The following MYO7A variants were observed in gnomAD, a reference collection of about 807,000 sequenced individuals.
MYO7A encodes the protein myosin VIIA, also known as unconventional myosin-VIIa.
Under a neutral mutation model 263.8 loss-of-function variants are expected in MYO7A, and 210 were observed. That is an observed-to-expected ratio of 0.80 (90% CI 0.71 to 0.89). MYO7A has a LOEUF of 0.89. MYO7A is among the 40% of genes least tolerant of loss of function. The pLI is 0.00. For missense variants in MYO7A, 2,820 were observed against 2,968.3 expected (o/e 0.95, Z 1.16); for synonymous variants, 1,239 against 1,197.3 (o/e 1.03, Z -0.72).
intron 15 of MYO7A, among the ~76,000 whole-genome samples, 176 bp downstream of exon 15, chr11:77,166,338 C>T (rs553344641): frequency 6.6e-6 from 1 of 152,288 alleles, no homozygotes; most frequent in African/African-American, 2.4e-5. Context: ...CCCATCTGGT[C>T]CTCTTATTGT....
At chr11:77,139,170 C>T (rs1211636449) in intron 2 of MYO7A, among the ~76,000 whole-genome samples, 2 of 152,206 alleles carry the variant, frequency 1.3e-5, no homozygotes, top group Middle Eastern at 3.2e-3. Context: ...AGATTGAGTG[C>T]CTCACCCAGA....
chr11:77,170,003 C>T (rs1555075009), intron 15 of MYO7A, among the ~76,000 whole-genome samples: 1 of 152,100 alleles, frequency 6.6e-6, no homozygotes, highest in African/African-American at 2.4e-5. Flanking sequence ...TCTGGGAGGT[C>T]GAGGCTGCAA....
chr11:77,185,745 C>G (rs1955600721), intron 27 of MYO7A, among the ~76,000 whole-genome samples: 2 of 152,174 alleles, frequency 1.3e-5, no homozygotes, highest in Admixed American at 6.5e-5. Context: ...TTTCCAGAAG[C>G]TTTTCCATTG....
intron 48 of MYO7A, 109 bp downstream of exon 48, chr11:77,214,088 G>C: frequency 6.8e-7 from 1 of 1,462,842 alleles, no homozygotes; most frequent in Non-Finnish European, 9.3e-7. Context: ...GCCTGGGGTC[G>C]TGGGCAAGGG....
At position 77,211,149 on chromosome 11, in the gene MYO7A, C is replaced by T. The variant is rs368782885; in HGVS notation, c.6052-3C>T. On this transcript the variant is annotated splice_region_variant and splice_polypyrimidine_tract_variant and intron_variant, in intron 44 of 48. Coordinates refer to ENST00000409709, the MANE Select transcript of MYO7A (RefSeq NM_000260.4). The stretch of plus-strand genomic sequence containing the variant: ...CGCCTGTGACCTGCTCTGTCTCTGA[C>T]AGGAGTTGCCCAAGTATCTCCGAGG... 12 of 1,567,424 alleles carry T rather than the reference C, an allele frequency of 7.7e-6. No individual in the cohort carries two copies. In the African/African-American group the frequency reaches 9.5e-5, roughly 12 times the overall value.
chr11:77,174,252 G>T (rs992895390), intron 16 of MYO7A, among the ~76,000 whole-genome samples: 3 of 152,022 alleles, frequency 2.0e-5, no homozygotes, highest in African/African-American at 7.3e-5. Context: ...CAGCTAGAAA[G>T]TTGTCTGAAT....
chr11:77,190,683 T>TG lies in MYO7A; in HGVS notation c.3751-10dup. 1 of 1,578,086 alleles carries TG rather than the reference T, an allele frequency of 6.3e-7. No homozygotes were observed. The highest frequency in any genetic ancestry group is 8.6e-7 in the Non-Finnish European group (1 of 1,163,722). The stretch of plus-strand genomic sequence containing the variant: ...AGGGAAGGGACCCCACAAACCCTCT[T>TG]GGGGCACTTCCAGGCCACCAAGTCC... On this transcript the variant is annotated splice_polypyrimidine_tract_variant and intron_variant, in intron 29 of 48. Transcript: ENST00000409709.
chr11:77,201,635 TGTG>T lies in MYO7A; in HGVS notation c.5043_5043+2del. On this transcript the variant is annotated inframe_deletion and splice_region_variant, in exon 36 of 49. Coordinates refer to ENST00000409709, the MANE Select transcript of MYO7A (RefSeq NM_000260.4). ...CTGTCACCATGCCACCGCGGGAGAT[TGTG>T]GTATGTGGCCTGGGGGTGGCAGATG... 6.2e-7 allele frequency: 1 copy of T among 1,612,592 alleles called. No individual in the cohort carries two copies. Among genetic ancestry groups the T allele is most frequent in the Non-Finnish European group, 8.5e-7 (1 of 1,178,896 alleles).
intron 27 of MYO7A, among the ~76,000 whole-genome samples, chr11:77,188,922 T>G (rs1955826892): frequency 6.6e-6 from 1 of 152,158 alleles, no homozygotes; most frequent in Admixed American, 6.5e-5. Flanking sequence ...GGGTAGAAGT[T>G]GCACCTGCTG....
chr11:77,174,666 T>G, intron 16 of MYO7A, 90 bp from the exon 17 acceptor site: 5 of 1,411,902 alleles, frequency 3.5e-6, no homozygotes, highest in Non-Finnish European at 4.8e-6. Flanking sequence ...TTGGCCTTTC[T>G]GAGCCTTTGT....
intron 19 of MYO7A, among the ~76,000 whole-genome samples, chr11:77,178,070 T>G (rs1301879390): frequency 6.6e-6 from 1 of 151,736 alleles, no homozygotes; most frequent in African/African-American, 2.4e-5. Flanking sequence ...GACTCCAAAG[T>G]GTGATTAAAG....
At chr11:77,197,304 C>T (rs1956734269) in intron 32 of MYO7A, among the ~76,000 whole-genome samples, 177 bp from the exon 33 acceptor site, 6 of 152,312 alleles carry the variant, frequency 3.9e-5, no homozygotes, top group East Asian at 1.9e-4. Context: ...CCGATGTTGA[C>T]GAATGAGAAA....
chr11:77,172,077 G>A (rs564929926), intron 15 of MYO7A, among the ~76,000 whole-genome samples: 10 of 152,350 alleles, frequency 6.6e-5, no homozygotes, highest in Non-Finnish European at 1.0e-4. Context: ...GCTAAGCCTG[G>A]GAGGGGAGAG....
chr11:77,207,259 C>A, intron 41 of MYO7A, 30 bp from the exon 42 acceptor site: 2 of 1,526,000 alleles, frequency 1.3e-6, no homozygotes, highest in Non-Finnish European at 1.8e-6. Context: ...AAAGGCCCTG[C>A]AGGAGCCCAG....
At chr11:77,186,589 A>G (rs1479537861) in intron 27 of MYO7A, among the ~76,000 whole-genome samples, 1 of 152,222 alleles carries the variant, frequency 6.6e-6, no homozygotes, top group Non-Finnish European at 1.5e-5. Context: ...TGAGCCTCCA[A>G]CTTACCTTCT....
At chr11:77,204,839 TG>T (rs1413769564) in intron 39 of MYO7A, among the ~76,000 whole-genome samples, 1 of 152,218 alleles carries the variant, frequency 6.6e-6, no homozygotes, top group Non-Finnish European at 1.5e-5. Context: ...TCAGCTCTTT[TG>T]ACAGTGCCAA....
chr11:77,157,181 C>A, intron 7 of MYO7A, 98 bp from the exon 8 acceptor site: 1 of 1,356,324 alleles, frequency 7.4e-7, no homozygotes, highest in Non-Finnish European at 1.0e-6. Context: ...TCTCCACAAG[C>A]CATTTGTTAA....
At chr11:77,143,673 G>A (rs1951366845) in intron 3 of MYO7A, among the ~76,000 whole-genome samples, 1 of 152,210 alleles carries the variant, frequency 6.6e-6, no homozygotes. Context: ...GCAGGGATAT[G>A]AAGAATCCAG....
chr11:77,189,316 C>A, intron 27 of MYO7A, 28 bp from the exon 28 acceptor site: 1 of 1,611,650 alleles, frequency 6.2e-7, no homozygotes, highest in Non-Finnish European at 8.5e-7. Flanking sequence ...GGGGTGATTC[C>A]CCCTCCCTTG....
Sources: allele counts gnomAD v4.1 joint callset (sites outside exome capture counted in the v4.1 genomes callset), GRCh38; gene constraint gnomAD v4.1.1; transcripts MANE v1.5; gene names NCBI Gene and HGNC (gene_info 2026-07-23, HGNC 2026-07-21).